Variants in SYCE3 observed in about 807,000 individuals in gnomAD.
The protein encoded by SYCE3 is testis highly expressed gene 2 protein.
In SYCE3, 3 loss-of-function variants were observed where a neutral mutation model predicts 8.1. That is an observed-to-expected ratio of 0.37 (90% confidence interval 0.17 to 0.96). The LOEUF (loss-of-function observed/expected upper bound fraction) is 0.96, where lower values mean the gene tolerates loss of function less well. SYCE3 is among the 40% of genes least tolerant of loss of function. SYCE3 has a pLI of 0.41. For synonymous variants in SYCE3, 36 were observed against 38.7 expected (o/e 0.93, Z 0.26); for missense variants, 83 against 110.0 (o/e 0.75, Z 1.10).
At chr22:50,559,743 T>A (rs1233675801) in intron 1 of SYCE3, among the ~76,000 whole-genome samples, 2 of 151,856 alleles carry the variant, frequency 1.3e-5, no homozygotes, top group African/African-American at 4.8e-5. Flanking sequence ...GCCTGGCCAA[T>A]ATGGCAAAAC....
chr22:50,561,280 A>C (rs1230639203), intron 1 of SYCE3, among the ~76,000 whole-genome samples: 1 of 152,034 alleles, frequency 6.6e-6, no homozygotes, highest in African/African-American at 2.4e-5. Flanking sequence ...AGACTGCTAG[A>C]AGGATGGAGG....
chr22:50,556,139 C>T (rs2069858368), intron 2 of SYCE3, among the ~76,000 whole-genome samples, 158 bp downstream of exon 2: 1 of 152,126 alleles, frequency 6.6e-6, no homozygotes, highest in African/African-American at 2.4e-5. Flanking sequence ...TTCTCTCTCC[C>T]TAAAATGTAT....
chr22:50,556,385 C>G lies in SYCE3; in HGVS notation c.21G>C (p.Glu7Asp), dbSNP rs1219783928. The G allele has an allele frequency of 6.4e-7, 1 of 1,551,648 alleles. No individual in the cohort carries two copies. Among genetic ancestry groups the G allele is most frequent in the Admixed American group, 2.0e-5 (1 of 50,980 alleles). ...TCAGCATGTTGTCATAGTTTCTTTCCTCAGGGTCAGCATCATCCATCTAGG... is the reference window on the plus strand; with the variant it reads ...TCAGCATGTTGTCATAGTTTCTTTCGTCAGGGTCAGCATCATCCATCTAGG... The part of the protein sequence containing the change: MDDADP[E>D]ERNYDNMLKM... The change falls in exon 2 of 3, where the codon GAG (glutamate) becomes GAC (aspartate). Residue 7 changes from glutamate to aspartate, a missense_variant. Glu to Asp is a conservative substitution (Grantham distance 45). Coordinates refer to ENST00000406915, the MANE Select transcript of SYCE3 (RefSeq NM_001123225.3).
At chr22:50,557,646 TATTAATATACATTA>T (rs2069873948) in intron 1 of SYCE3, among the ~76,000 whole-genome samples, 1 of 152,228 alleles carries the variant, frequency 6.6e-6, no homozygotes, top group Non-Finnish European at 1.5e-5. Context: ...TCCTCACCTT[TATTAATATACATTA>T]ATTCATTCTG....
At chr22:50,556,082 C>T (rs1239381582) in intron 2 of SYCE3, among the ~76,000 whole-genome samples, 2 of 152,088 alleles carry the variant, frequency 1.3e-5, no homozygotes, top group Non-Finnish European at 2.9e-5. Context: ...AGTGAGCCAC[C>T]GCGCCCGGCC....
chr22:50,560,168 T>C (rs187686616), intron 1 of SYCE3, among the ~76,000 whole-genome samples: 39 of 152,258 alleles, frequency 2.6e-4, no homozygotes, highest in Non-Finnish European at 4.7e-4. Context: ...TATTTTAAGT[T>C]GGGAGATATT....
chr22:50,551,887 A>G (rs989459297), intron 2 of SYCE3, among the ~76,000 whole-genome samples: 1 of 152,106 alleles, frequency 6.6e-6, no homozygotes, highest in Non-Finnish European at 1.5e-5. Flanking sequence ...GGGCACCTCT[A>G]TGCTTTCGTT....
At chr22:50,554,405 GT>G (rs1366053346) in intron 2 of SYCE3, among the ~76,000 whole-genome samples, 1 of 151,852 alleles carries the variant, frequency 6.6e-6, no homozygotes, top group Admixed American at 6.6e-5. Flanking sequence ...ACATAAAACT[GT>G]TTGCTGGCTG....
chr22:50,558,203 C>G (rs1470015179), intron 1 of SYCE3, among the ~76,000 whole-genome samples: 1 of 152,138 alleles, frequency 6.6e-6, no homozygotes, highest in Non-Finnish European at 1.5e-5. Context: ...GTGGGTGGAT[C>G]ACCTGAGGTC....
intron 2 of SYCE3, among the ~76,000 whole-genome samples, chr22:50,555,113 C>G (rs2069846907): frequency 1.3e-4 from 2 of 15,626 alleles, no homozygotes; most frequent in Admixed American, 1.2e-3. Context: ...CAGAGCGAGA[C>G]TCTGTCTTAA....
intron 1 of SYCE3, among the ~76,000 whole-genome samples, chr22:50,559,937 A>G (rs894106333): frequency 1.2e-4 from 18 of 152,150 alleles, no homozygotes; most frequent in African/African-American, 3.9e-4. Context: ...CAAAAAAACA[A>G]AAACAAAAAT....
intron 2 of SYCE3, among the ~76,000 whole-genome samples, chr22:50,554,918 C>G (rs2069844446): frequency 1.3e-5 from 2 of 151,224 alleles, no homozygotes; most frequent in African/African-American, 4.9e-5. Flanking sequence ...GTCAGGAGAT[C>G]AAGACCATCC....
At chr22:50,558,915 TTCTG>T (rs1191833364) in intron 1 of SYCE3, among the ~76,000 whole-genome samples, 3 of 152,128 alleles carry the variant, frequency 2.0e-5, no homozygotes, top group African/African-American at 4.8e-5. Flanking sequence ...CCAGGGCACT[TTCTG>T]TCTTTCTTTT....
At chr22:50,554,850 C>T (rs1335137368) in intron 2 of SYCE3, among the ~76,000 whole-genome samples, 4 of 151,730 alleles carry the variant, frequency 2.6e-5, no homozygotes, top group Non-Finnish European at 5.9e-5. Context: ...AGGCCAGGCG[C>T]GGTGGTTTAC....
At chr22:50,552,683 A>G (rs2069822033) in intron 2 of SYCE3, among the ~76,000 whole-genome samples, 2 of 152,160 alleles carry the variant, frequency 1.3e-5, no homozygotes, top group Non-Finnish European at 2.9e-5. Flanking sequence ...TGATATATGT[A>G]AACTGCCTGG....
intron 2 of SYCE3, among the ~76,000 whole-genome samples, chr22:50,553,544 T>C (rs1328567347): frequency 6.6e-6 from 1 of 152,106 alleles, no homozygotes; most frequent in East Asian, 1.9e-4. Flanking sequence ...ACACTGCAAA[T>C]GCCCTGCTGC....
At chr22:50,559,462 A>G (rs1312606209) in intron 1 of SYCE3, among the ~76,000 whole-genome samples, 2 of 152,218 alleles carry the variant, frequency 1.3e-5, no homozygotes, top group Non-Finnish European at 2.9e-5. Flanking sequence ...AGATGAGGAA[A>G]CACTGGAAAA....
At chr22:50,560,301 C>T (rs964406396) in intron 1 of SYCE3, among the ~76,000 whole-genome samples, 2 of 152,064 alleles carry the variant, frequency 1.3e-5, no homozygotes, top group South Asian at 4.1e-4. Context: ...GAGTTTCAGA[C>T]CAGCCCGGGC....
At chr22:50,558,580 T>A (rs1180988674) in intron 1 of SYCE3, among the ~76,000 whole-genome samples, 2 of 152,212 alleles carry the variant, frequency 1.3e-5, no homozygotes, top group African/African-American at 4.8e-5. Flanking sequence ...GTGTATGGTC[T>A]TTCGGGATCT....
Sources: gnomAD v4.1 joint callset for allele counts (sites outside exome capture counted in the v4.1 genomes callset) on GRCh38, gnomAD v4.1.1 for gene constraint, MANE v1.5 for transcripts, NCBI Gene and HGNC (gene_info 2026-07-23, HGNC 2026-07-21) for gene names.